The following NOL10 variants were observed in gnomAD, a reference collection of about 807,000 sequenced individuals.
NOL10 encodes the protein nucleolar protein 10.
In NOL10, 58 loss-of-function variants were observed where a neutral mutation model predicts 103.5. That is an observed-to-expected ratio of 0.56 (90% CI 0.45 to 0.70). The LOEUF (loss-of-function observed/expected upper bound fraction) is 0.70. Among genes scored for constraint, NOL10 ranks in the 30% least tolerant of loss-of-function variants. The probability of loss-of-function intolerance (pLI) is 0.00; values close to 1 mark genes in which losing one functional copy is unlikely to be tolerated. For synonymous variants in NOL10, 287 were observed against 282.5 expected (o/e 1.02, Z -0.16); for missense variants, 763 against 807.3 (o/e 0.95, Z 0.67).
chr2:10,656,051 G>A (rs1442761769), intron 11 of NOL10, among the ~76,000 whole-genome samples: 1 of 152,166 alleles, frequency 6.6e-6, no homozygotes, highest in Non-Finnish European at 1.5e-5. Flanking sequence ...TAATCCACAT[G>A]ATGGAAACTA....
intron 1 of NOL10, among the ~76,000 whole-genome samples, 178 bp from the exon 2 acceptor site, chr2:10,684,790 ATTTT>A (rs1483309851): frequency 6.6e-6 from 1 of 151,974 alleles, no homozygotes. Flanking sequence ...TATCTCCTGG[ATTTT>A]TTTTCTTGTG....
chr2:10,688,242 A>T (rs958880267), intron 1 of NOL10, among the ~76,000 whole-genome samples: 1 of 152,138 alleles, frequency 6.6e-6, no homozygotes, highest in Non-Finnish European at 1.5e-5. Context: ...TCCCGACTTG[A>T]ACCCTCCCCA....
intron 13 of NOL10, among the ~76,000 whole-genome samples, chr2:10,612,906 G>T (rs951099823): frequency 6.6e-6 from 1 of 151,594 alleles, no homozygotes; most frequent in Non-Finnish European, 1.5e-5. Flanking sequence ...GCATGTGCCT[G>T]TGGTCCCAGC....
chr2:10,595,115 A>G (rs1442308796), intron 17 of NOL10, among the ~76,000 whole-genome samples: 2 of 128,466 alleles, frequency 1.6e-5, no homozygotes, highest in Admixed American at 1.5e-4. Flanking sequence ...AGGTAGGACT[A>G]CAGGCAAGAG....
rs577691456 is a variant in NOL10, at chr2:10,645,317, G to T, written c.974-945C>A. ...TTGTAAGATACAAGAGGAATCCACA[G>T]AGAGAAGACATTTAGATTATCAGAT... On this transcript the variant is annotated intron_variant, in intron 12 of 20. Transcript: ENST00000381685. 4.6e-5 allele frequency among the ~76,000 whole-genome samples: 7 copies of T among 152,262 alleles called. No individual in the cohort carries two copies. The East Asian group carries it at 1.2e-3, about 25-fold the overall frequency.
Position 10,637,661 on chromosome 2 carries a change from T to A in NOL10, c.1026+6659A>T, listed in dbSNP as rs7594816. Reference sequence around the variant, plus strand: ...GCTTCCAATTGTGCATTTCCTTTGGTTTGCGTGCCTCTGTGAAGCTGTGTG... The same window carrying A: ...GCTTCCAATTGTGCATTTCCTTTGGATTGCGTGCCTCTGTGAAGCTGTGTG... On this transcript the variant is annotated intron_variant, in intron 13 of 20. Coordinates refer to ENST00000381685, the MANE Select transcript of NOL10 (RefSeq NM_024894.4). 3.3e-5 allele frequency among the ~76,000 whole-genome samples: 5 copies of A among 152,224 alleles called. No individual in the cohort carries two copies. In the East Asian group the frequency reaches 9.6e-4, roughly 29 times the overall value.
At chr2:10,604,407 A>G (rs1461701469) in intron 14 of NOL10, among the ~76,000 whole-genome samples, 1 of 152,158 alleles carries the variant, frequency 6.6e-6, no homozygotes, top group Non-Finnish European at 1.5e-5. Context: ...AATATAAAAA[A>G]GAAAATTAAA....
chr2:10,674,365 A>G (rs955104782), intron 4 of NOL10, among the ~76,000 whole-genome samples: 2 of 152,152 alleles, frequency 1.3e-5, no homozygotes, highest in Non-Finnish European at 2.9e-5. Flanking sequence ...GAACTTTCCC[A>G]TTTTAACTTG....
intron 13 of NOL10, among the ~76,000 whole-genome samples, chr2:10,613,802 C>G (rs939513544): frequency 1.3e-5 from 2 of 151,922 alleles, no homozygotes; most frequent in African/African-American, 4.8e-5. Flanking sequence ...TATCAAGTAT[C>G]TAGTTATTTT....
chr2:10,599,937 G>A (rs970611519), intron 17 of NOL10, among the ~76,000 whole-genome samples: 1 of 151,674 alleles, frequency 6.6e-6, no homozygotes, highest in African/African-American at 2.4e-5. Context: ...CAGAAATGAA[G>A]ACAAAAGGAG....
chr2:10,621,718 G>A (rs1166640392), intron 13 of NOL10, among the ~76,000 whole-genome samples: 1 of 152,228 alleles, frequency 6.6e-6, no homozygotes, highest in Non-Finnish European at 1.5e-5. Context: ...TCTGGAAGAA[G>A]AAATTCTCTG....
At chr2:10,592,586 T>C (rs1310017537) in intron 17 of NOL10, among the ~76,000 whole-genome samples, 1 of 152,216 alleles carries the variant, frequency 6.6e-6, no homozygotes, top group Non-Finnish European at 1.5e-5. Flanking sequence ...ACTATGTGCC[T>C]ATTACACATT....
At chr2:10,609,184 G>A (rs375700327) in intron 13 of NOL10, among the ~76,000 whole-genome samples, 45 of 151,620 alleles carry the variant, frequency 3.0e-4, no homozygotes, top group Middle Eastern at 3.4e-3. Flanking sequence ...CCACACACAC[G>A]CACATACACA....
intron 17 of NOL10, among the ~76,000 whole-genome samples, chr2:10,596,707 C>G (rs1342025731): frequency 6.6e-6 from 1 of 152,086 alleles, no homozygotes; most frequent in Non-Finnish European, 1.5e-5. Context: ...GGGTTGGAGA[C>G]CCCTGGCCTA....
intron 13 of NOL10, among the ~76,000 whole-genome samples, chr2:10,625,183 T>C (rs116673482): frequency 7.9e-5 from 12 of 152,306 alleles, no homozygotes; most frequent in African/African-American, 2.9e-4. Flanking sequence ...TTCTATGTGA[T>C]ATTATGACCG....
At chr2:10,667,356 C>T in intron 7 of NOL10, 78 bp from the exon 8 acceptor site, 2 of 1,018,506 alleles carry the variant, frequency 2.0e-6, no homozygotes, top group Non-Finnish European at 1.5e-6. Flanking sequence ...AATAAATAAA[C>T]AGTCAACCCA....
At chr2:10,579,152 CGTA>C (rs892469979) in intron 19 of NOL10, among the ~76,000 whole-genome samples, 1 of 152,186 alleles carries the variant, frequency 6.6e-6, no homozygotes, top group Non-Finnish European at 1.5e-5. Context: ...GTTTACAACT[CGTA>C]GTAATGTACT....
chr2:10,645,928 A>AACAC (rs1348815839), intron 12 of NOL10, among the ~76,000 whole-genome samples: 43 of 121,640 alleles, frequency 3.5e-4, no homozygotes, highest in African/African-American at 1.3e-3. Flanking sequence ...ATGCACACAA[A>AACAC]ACACACACAC....
intron 2 of NOL10, among the ~76,000 whole-genome samples, chr2:10,683,944 CCCACCAGGAACATA>C (rs1681962113): frequency 6.6e-6 from 1 of 152,040 alleles, no homozygotes; most frequent in Non-Finnish European, 1.5e-5. Context: ...AAATCCCATA[CCCACCAGGAACATA>C]CCAACCACAA....
Sources: gnomAD v4.1 joint callset for allele counts (sites outside exome capture counted in the v4.1 genomes callset) on GRCh38, gnomAD v4.1.1 for gene constraint, MANE v1.5 for transcripts, NCBI Gene and HGNC (gene_info 2026-07-23, HGNC 2026-07-21) for gene names.